Variants in LRRC37A observed in about 807,000 individuals in gnomAD.
The protein encoded by LRRC37A is leucine-rich repeat-containing protein 37A.
Under a neutral mutation model 35.4 loss-of-function variants are expected in LRRC37A, and 3 were observed. That is an observed-to-expected ratio of 0.08 (90% CI 0.04 to 0.22). LRRC37A has a LOEUF of 0.22. LRRC37A is among the 10% of genes least tolerant of loss of function. The pLI is 1.00. For synonymous variants in LRRC37A, 23 were observed against 215.0 expected (o/e 0.11, Z 7.81); for missense variants, 67 against 565.3 (o/e 0.12, Z 8.94).
At chr17:46,263,032 G>A in the LRRC37A span, among the ~76,000 whole-genome samples, 1 of 152,156 alleles carries the variant, frequency 6.6e-6, no homozygotes, top group African/African-American at 2.4e-5. Flanking sequence ...GGCCAACATG[G>A]TGAAACCCCA....
the LRRC37A span, among the ~76,000 whole-genome samples, chr17:46,255,506 A>G: frequency 1.4e-5 from 2 of 146,002 alleles, no homozygotes; most frequent in African/African-American, 5.1e-5. Flanking sequence ...AGCTGGGATT[A>G]CAGGCATACG....
At chr17:46,290,649 G>A (rs1415484632), upstream of LRRC37A, among the ~76,000 whole-genome samples, 1 of 152,204 alleles carries the variant, frequency 6.6e-6, no homozygotes, top group Admixed American at 6.5e-5. Context: ...GTTTCGCCCT[G>A]TTAGCCAGGC....
At chr17:46,253,442 A>C in the LRRC37A span, among the ~76,000 whole-genome samples, 15 of 152,048 alleles carry the variant, frequency 9.9e-5, no homozygotes, top group Non-Finnish European at 1.6e-4. Context: ...ACGCCACTGC[A>C]CTCCAGCCTG....
chr17:46,263,167 T>C, the LRRC37A span, among the ~76,000 whole-genome samples: 3 of 152,074 alleles, frequency 2.0e-5, no homozygotes, highest in Non-Finnish European at 2.9e-5. Context: ...TGAGCCTTGA[T>C]AGAGTTTTGC....
chr17:46,276,950 C>T, the LRRC37A span, among the ~76,000 whole-genome samples: 4 of 151,698 alleles, frequency 2.6e-5, no homozygotes, highest in East Asian at 1.9e-4. Context: ...ACTACAGGCA[C>T]GTGCCACCAT....
chr17:46,298,749 TAGG>T (rs2050248619), intron 1 of LRRC37A, among the ~76,000 whole-genome samples: 1 of 69,498 alleles, frequency 1.4e-5, no homozygotes, highest in South Asian at 4.5e-4. Context: ...AAAAAAATGA[TAGG>T]AGGGAAGAAA....
At chr17:46,265,308 TC>T in the LRRC37A span, among the ~76,000 whole-genome samples, 1 of 128,228 alleles carries the variant, frequency 7.8e-6, no homozygotes. Flanking sequence ...TTCTTCTTCT[TC>T]TTCTTCCTCT....
At chr17:46,260,662 T>C in the LRRC37A span, 4 of 1,392,434 alleles carry the variant, frequency 2.9e-6, no homozygotes, top group East Asian at 5.1e-5. Flanking sequence ...TCACTCTTGT[T>C]CTCCAGGCTG....
the LRRC37A span, among the ~76,000 whole-genome samples, chr17:46,282,406 GTTTTTTGTTTGT>G: frequency 1.4e-4 from 21 of 149,062 alleles, no homozygotes; most frequent in Non-Finnish European, 7.4e-5. Context: ...CCTGGCCTCA[GTTTTTTGTTTGT>G]TTTTTTTTTT....
At chr17:46,254,114 T>A in the LRRC37A span, among the ~76,000 whole-genome samples, 1 of 152,176 alleles carries the variant, frequency 6.6e-6, no homozygotes, top group Non-Finnish European at 1.5e-5. Flanking sequence ...CAGACCCGTG[T>A]TCTGGGTGTG....
chr17:46,267,170 G>GCCGCCGCC, the LRRC37A span: 3 of 564,974 alleles, frequency 5.3e-6, no homozygotes, highest in Admixed American at 3.5e-5. Flanking sequence ...CGGCCGCCGC[G>GCCGCCGCC]CCGCCGCCCC....
the LRRC37A span, among the ~76,000 whole-genome samples, chr17:46,282,792 GAGAA>G: frequency 6.6e-6 from 1 of 152,204 alleles, no homozygotes. Context: ...CTACAGAAGA[GAGAA>G]AGCACCCCGT....
At chr17:46,267,715 G>A in the LRRC37A span, among the ~76,000 whole-genome samples, 8 of 151,866 alleles carry the variant, frequency 5.3e-5, no homozygotes, top group Admixed American at 5.3e-4. Flanking sequence ...CCACCCCCAC[G>A]GGTGAGAACG....
At chr17:46,264,403 C>T in the LRRC37A span, among the ~76,000 whole-genome samples, 3 of 152,178 alleles carry the variant, frequency 2.0e-5, no homozygotes. Context: ...GGTATACACA[C>T]CTATTGTAAA....
chr17:46,268,682 C>T, the LRRC37A span: 4 of 1,488,760 alleles, frequency 2.7e-6, no homozygotes, highest in South Asian at 4.1e-5. Flanking sequence ...CAATTCATAC[C>T]CAATGCATTT....
chr17:46,253,796 G>A, the LRRC37A span, among the ~76,000 whole-genome samples: 8 of 151,852 alleles, frequency 5.3e-5, no homozygotes, highest in African/African-American at 1.7e-4. Context: ...GAGGGAGAGG[G>A]AGAGGTGCAT....
the LRRC37A span, among the ~76,000 whole-genome samples, chr17:46,248,627 C>G: frequency 6.6e-6 from 1 of 152,012 alleles, no homozygotes; most frequent in African/African-American, 2.4e-5. Context: ...TCAAGTGATT[C>G]TCCTGCCTCA....
the LRRC37A span, among the ~76,000 whole-genome samples, chr17:46,258,149 A>G: frequency 1.3e-5 from 2 of 152,180 alleles, no homozygotes; most frequent in Non-Finnish European, 2.9e-5. Flanking sequence ...GTGAATGACT[A>G]AAAAAGAGAG....
the LRRC37A span, among the ~76,000 whole-genome samples, chr17:46,273,051 A>G: frequency 5.0e-4 from 76 of 152,368 alleles, no homozygotes; most frequent in African/African-American, 1.7e-3. Flanking sequence ...AGAATTTGCC[A>G]CAATTTGTTG....
Sources: allele counts gnomAD v4.1 joint callset (sites outside exome capture counted in the v4.1 genomes callset), GRCh38; gene constraint gnomAD v4.1.1; transcripts MANE v1.5; gene names NCBI Gene and HGNC (gene_info 2026-07-23, HGNC 2026-07-21).